Variants in PDE4D observed in about 807,000 individuals in gnomAD.
PDE4D encodes 3',5'-cyclic-AMP phosphodiesterase 4D.
Under a neutral mutation model 87.4 loss-of-function variants are expected in PDE4D, and 24 were observed. The observed-to-expected ratio is 0.27, with a 90% CI of 0.20 to 0.39. PDE4D has a LOEUF of 0.39. Ranked by LOEUF, PDE4D falls within the 10% of genes least tolerant of loss-of-function variation. The pLI is 1.00. For synonymous variants in PDE4D, 384 were observed against 383.2 expected (o/e 1.00, Z -0.02); for missense variants, 714 against 1,041.0 (o/e 0.69, Z 4.32).
intron 1 of PDE4D, among the ~76,000 whole-genome samples, chr5:59,297,563 A>AT (rs1030847892): frequency 6.6e-6 from 1 of 151,724 alleles, no homozygotes; most frequent in African/African-American, 2.4e-5. Context: ...TCATATGTGA[A>AT]TTTTTTTTTA....
intron 1 of PDE4D, among the ~76,000 whole-genome samples, chr5:59,625,578 T>C (rs759947332): frequency 2.6e-5 from 4 of 152,066 alleles, no homozygotes; most frequent in Non-Finnish European, 2.9e-5. Flanking sequence ...AAAAAGACTA[T>C]AGCCAAAACA....
chr5:59,789,595 G>C (rs538891674), intron 1 of PDE4D, among the ~76,000 whole-genome samples: 1 of 152,188 alleles, frequency 6.6e-6, no homozygotes, highest in African/African-American at 2.4e-5. Context: ...TATATTCCCA[G>C]CTTTATACAG....
chr5:59,509,423 C>CAA (rs11324683), intron 1 of PDE4D, among the ~76,000 whole-genome samples: 5 of 122,060 alleles, frequency 4.1e-5, no homozygotes, highest in Non-Finnish European at 7.3e-5. Context: ...GTCTCAGATG[C>CAA]AAAAAAAAAA....
At chr5:59,250,875 T>C (rs1021824020) in intron 1 of PDE4D, among the ~76,000 whole-genome samples, 3 of 152,002 alleles carry the variant, frequency 2.0e-5, no homozygotes. Context: ...GAAATAAAAC[T>C]GCACACCTAG....
chr5:60,085,837 G>A (rs1774460923), intron 2 of PDE4D, among the ~76,000 whole-genome samples: 2 of 152,202 alleles, frequency 1.3e-5, no homozygotes, highest in African/African-American at 2.4e-5. Context: ...GATTAATTTA[G>A]AGGGTTAGGT....
chr5:60,002,278 A>C (rs1764091474), intron 2 of PDE4D, among the ~76,000 whole-genome samples: 1 of 152,072 alleles, frequency 6.6e-6, no homozygotes, highest in Admixed American at 6.5e-5. Context: ...TAATTAAAAA[A>C]AAAAACTCCT....
chr5:59,847,199 C>G (rs570672494), intron 1 of PDE4D, among the ~76,000 whole-genome samples: 55 of 152,026 alleles, frequency 3.6e-4, no homozygotes, highest in Non-Finnish European at 5.7e-4. Flanking sequence ...GAATATGAAA[C>G]CTGTAAAAAT....
chr5:60,287,343 A>G (rs10514891), intron 1 of PDE4D, among the ~76,000 whole-genome samples: 29,230 of 152,068 alleles, frequency 0.19, 3,582 homozygotes, highest in African/African-American at 0.35. Context: ...GGTGCCATGA[A>G]AATAAACTCC....
chr5:60,172,081 T>A (rs1783488041), intron 2 of PDE4D, among the ~76,000 whole-genome samples: 1 of 147,818 alleles, frequency 6.8e-6, no homozygotes, highest in Admixed American at 6.8e-5. Flanking sequence ...CATAGAATAG[T>A]TTTGAGAACT....
intron 2 of PDE4D, among the ~76,000 whole-genome samples, chr5:59,211,889 T>C (rs906195271): frequency 9.9e-5 from 15 of 152,096 alleles, no homozygotes; most frequent in African/African-American, 2.9e-4. Flanking sequence ...CCCAATAGAG[T>C]AAATAGTTAT....
chr5:60,411,417 C>A (rs1231200025), intron 1 of PDE4D, among the ~76,000 whole-genome samples: 1 of 152,138 alleles, frequency 6.6e-6, no homozygotes, highest in African/African-American at 2.4e-5. Context: ...CACTGTATGA[C>A]ATAACCAGAA....
At chr5:60,215,675 C>T (rs1743778412) in intron 1 of PDE4D, among the ~76,000 whole-genome samples, 1 of 152,086 alleles carries the variant, frequency 6.6e-6, no homozygotes, top group African/African-American at 2.4e-5. Flanking sequence ...GGACAAGCAA[C>T]AGCAGCATCA....
intron 2 of PDE4D, among the ~76,000 whole-genome samples, chr5:60,022,103 G>A (rs759166808): frequency 2.0e-5 from 3 of 152,272 alleles, no homozygotes; most frequent in East Asian, 1.9e-4. Context: ...ATTACTGGCT[G>A]CTGTCTTCCA....
chr5:59,939,435 C>A (rs1756943568), intron 3 of PDE4D, among the ~76,000 whole-genome samples: 1 of 152,072 alleles, frequency 6.6e-6, no homozygotes, highest in Non-Finnish European at 1.5e-5. Context: ...AGCCCTTGAG[C>A]TAATGGTGAT....
chr5:59,184,167 A>G (rs1742349753), intron 4 of PDE4D, among the ~76,000 whole-genome samples: 1 of 152,238 alleles, frequency 6.6e-6, no homozygotes, highest in Non-Finnish European at 1.5e-5. Context: ...AGAAGTATTC[A>G]GGCTGAGAGA....
At chr5:59,010,608 T>C (rs1308444541) in intron 6 of PDE4D, among the ~76,000 whole-genome samples, 1 of 152,092 alleles carries the variant, frequency 6.6e-6, no homozygotes, top group Non-Finnish European at 1.5e-5. Context: ...GTATCCTTTG[T>C]ATGCTCATTC....
intron 2 of PDE4D, among the ~76,000 whole-genome samples, chr5:59,196,840 A>T (rs1422087721): frequency 2.0e-5 from 3 of 152,140 alleles, no homozygotes; most frequent in African/African-American, 4.8e-5. Context: ...CCATAATGGG[A>T]GGTATATTAC....
chr5:59,483,155 C>T (rs1047447396), intron 1 of PDE4D, among the ~76,000 whole-genome samples: 2 of 152,144 alleles, frequency 1.3e-5, no homozygotes, highest in African/African-American at 4.8e-5. Flanking sequence ...GGTATCAAGC[C>T]TGCCAGCTTT....
intron 2 of PDE4D, chr5:60,022,521 T>C (rs1351087995): frequency 6.6e-6 from 1 of 152,214 alleles, no homozygotes; most frequent in Non-Finnish European, 1.5e-5. Flanking sequence ...TTTTTTGCTA[T>C]ACTTACCTCT....
Sources: allele counts gnomAD v4.1 joint callset (sites outside exome capture counted in the v4.1 genomes callset), GRCh38; gene constraint gnomAD v4.1.1; transcripts MANE v1.5; gene names NCBI Gene and HGNC (gene_info 2026-07-23, HGNC 2026-07-21).